Variants in UNC80 observed in about 807,000 individuals in gnomAD.
UNC80 encodes unc-80 subunit of NALCN channel complex.
Under a neutral mutation model 384.6 loss-of-function variants are expected in UNC80, and 164 were observed. The observed-to-expected ratio is 0.43, with a 90% CI of 0.38 to 0.49. The LOEUF is 0.49. Among genes scored for constraint, UNC80 ranks in the 20% least tolerant of loss-of-function variants. The probability of loss-of-function intolerance (pLI) is 0.00; values close to 1 mark genes in which losing one functional copy is unlikely to be tolerated. For synonymous variants in UNC80, 1,486 were observed against 1,527.8 expected, an observed-to-expected ratio of 0.97 and a Z score of 0.64; for missense variants, 3,330 against 4,143.0, an observed-to-expected ratio of 0.80 and a Z score of 5.39.
chr2:209,927,217 C>G (rs539480437), intron 36 of UNC80, among the ~76,000 whole-genome samples: 1 of 152,234 alleles, frequency 6.6e-6, no homozygotes, highest in Non-Finnish European at 1.5e-5. Context: ...GTAATTGGGT[C>G]CAGGAGCATT....
At chr2:209,844,480 C>T (rs7559418) in intron 21 of UNC80, among the ~76,000 whole-genome samples, 4,244 of 52,702 alleles carry the variant, frequency 0.081, 175 homozygotes, top group African/African-American at 0.11. Context: ...TCTTTCTTTC[C>T]TTCCTTCCTT....
intron 25 of UNC80, 39 bp downstream of exon 25, chr2:209,881,133 G>GATAATAATATC (rs1287874344): frequency 1.3e-6 from 2 of 1,549,496 alleles, no homozygotes; most frequent in Admixed American, 3.9e-5. Context: ...AGGTTACTCG[G>GATAATAATATC]AGAGGCCAGG....
chr2:209,842,320 C>T (rs1032488989), intron 20 of UNC80, 30 bp from the exon 21 acceptor site: 5 of 1,481,528 alleles, frequency 3.4e-6, no homozygotes, highest in Non-Finnish European at 4.6e-6. Context: ...AATCTTATCT[C>T]TCTACTTTCC....
At chr2:209,822,943 T>C (rs577312806) in intron 13 of UNC80, among the ~76,000 whole-genome samples, 69 of 152,286 alleles carry the variant, frequency 4.5e-4, no homozygotes, top group African/African-American at 1.3e-3. Flanking sequence ...ATAATATTCT[T>C]TTTAGTACAA....
At chr2:209,988,406 A>G (rs756586466) in intron 61 of UNC80, among the ~76,000 whole-genome samples, 6 of 152,138 alleles carry the variant, frequency 3.9e-5, no homozygotes, top group Non-Finnish European at 7.3e-5. Flanking sequence ...ACTTCAATCT[A>G]TAATTTTTTT....
intron 34 of UNC80, 120 bp downstream of exon 34, chr2:209,921,806 A>T (rs1236195567): frequency 8.5e-7 from 1 of 1,175,734 alleles, no homozygotes; most frequent in Non-Finnish European, 1.2e-6. Flanking sequence ...TCTCTCTCTC[A>T]CTTCCTGACG....
chr2:209,938,670 G>GTCTC (rs2091407735), intron 42 of UNC80, among the ~76,000 whole-genome samples: 1 of 113,140 alleles, frequency 8.8e-6, no homozygotes, highest in Non-Finnish European at 1.8e-5. Context: ...TGCTTGCCTA[G>GTCTC]TCTCTGTCTC....
At chr2:209,902,939 G>A (rs2087590832) in intron 28 of UNC80, among the ~76,000 whole-genome samples, 1 of 138,212 alleles carries the variant, frequency 7.2e-6, no homozygotes, top group Non-Finnish European at 1.6e-5. Flanking sequence ...GTGTGTGTGT[G>A]TGTGTACAGT....
chr2:209,935,915 T>C, intron 40 of UNC80, 107 bp downstream of exon 40: 1 of 646,194 alleles, frequency 1.5e-6, no homozygotes, highest in Non-Finnish European at 2.6e-6. Context: ...TAAATGGATG[T>C]ATGCATTTCT....
At chr2:209,913,348 T>A (rs2089167245) in intron 30 of UNC80, among the ~76,000 whole-genome samples, 1 of 152,194 alleles carries the variant, frequency 6.6e-6, no homozygotes, top group African/African-American at 2.4e-5. Flanking sequence ...AACCACAATG[T>A]ATTATGTATT....
chr2:209,955,692 A>AATATAT lies in UNC80; in HGVS notation c.7457+1464_7457+1469dup, dbSNP rs57804600. Among the ~76,000 whole-genome samples the AATATAT allele has an allele frequency of 3.9e-3, 201 of 51,398 alleles. 1 individual carries two copies. The highest frequency in any genetic ancestry group is 7.3e-3 in the South Asian group (9 of 1,240). 33.7% of individuals were successfully genotyped at this position (51,398 alleles called of 152,430 possible). A position where few individuals can be genotyped will look rare whatever the true frequency, so the allele number is the denominator to read the frequency against. On this transcript the variant is annotated intron_variant, in intron 48 of 64. Transcript: ENST00000673920. ...TGTTCCCAAATGCCACTGTATTTCT[A>AATATAT]ATATATATATATATATATATATATA...
chr2:209,772,477 T>G (rs1294152269), intron 1 of UNC80, among the ~76,000 whole-genome samples: 1 of 152,070 alleles, frequency 6.6e-6, no homozygotes, highest in African/African-American at 2.4e-5. Flanking sequence ...TATGACTGGT[T>G]GTGCTCCTGC....
chr2:209,896,477 G>A, intron 28 of UNC80, 64 bp downstream of exon 28: 1 of 1,316,308 alleles, frequency 7.6e-7, no homozygotes, highest in South Asian at 1.3e-5. Flanking sequence ...AAGATCCAAG[G>A]AGGGAGGACA....
intron 7 of UNC80, chr2:209,808,765 A>G (rs116357561): frequency 2.2e-5 from 1 of 44,538 alleles, no homozygotes; most frequent in Non-Finnish European, 3.6e-5. Flanking sequence ...CGCCTGCGCT[A>G]CTTCTGCGCT....
At position 209,984,830 on chromosome 2, in the gene UNC80, G is replaced by C. The variant is rs570739545; in HGVS notation, c.9258-26G>C. ...TTTTTTTCATTTTCTTTCCCTAAAT[G>C]CTTCATCTCCCTACCCCTCCTGCAG... On this transcript the variant is annotated intron_variant, in intron 60 of 64. Coordinates refer to ENST00000673920, the MANE Select transcript of UNC80 (RefSeq NM_001371986.1). The C allele has an allele frequency of 4.0e-6, 6 of 1,482,936 alleles. No homozygotes were observed. In the South Asian group the frequency reaches 8.0e-5, roughly 20 times the overall value. The allele number at this position is 1,482,936 out of a possible 1,614,324, so 91.9% of individuals were successfully genotyped here. A position where few individuals can be genotyped will look rare whatever the true frequency, so the allele number is the denominator to read the frequency against.
chr2:209,943,608 T>C, intron 45 of UNC80, 94 bp downstream of exon 45: 4 of 1,424,186 alleles, frequency 2.8e-6, no homozygotes, highest in Non-Finnish European at 3.8e-6. Flanking sequence ...GGGAGTTGGC[T>C]ACCATCACTT....
At chr2:209,775,725 A>G (rs1343424525) in intron 2 of UNC80, among the ~76,000 whole-genome samples, 164 bp from the exon 3 acceptor site, 10 of 152,234 alleles carry the variant, frequency 6.6e-5, no homozygotes, top group Non-Finnish European at 8.8e-5. Flanking sequence ...ATATACAAGA[A>G]AATGCAATGA....
chr2:209,866,686 A>C (rs535494775), intron 22 of UNC80, among the ~76,000 whole-genome samples: 7 of 152,272 alleles, frequency 4.6e-5, no homozygotes, highest in African/African-American at 1.4e-4. Context: ...TTAAGTTTCA[A>C]GTACTACATT....
At chr2:209,880,855 C>T (rs1450665260) in intron 24 of UNC80, 106 bp from the exon 25 acceptor site, 27 of 1,089,942 alleles carry the variant, frequency 2.5e-5, no homozygotes, top group Non-Finnish European at 2.9e-5. Context: ...GTAACATTCT[C>T]ATATGCAATT....
Sources: gnomAD v4.1 joint callset for allele counts (sites outside exome capture counted in the v4.1 genomes callset) on GRCh38, gnomAD v4.1.1 for gene constraint, MANE v1.5 for transcripts, NCBI Gene and HGNC (gene_info 2026-07-23, HGNC 2026-07-21) for gene names.